DYM: variants seen among roughly 807,000 people sequenced by gnomAD.
DYM encodes dymeclin.
A neutral mutation model predicts 93.1 loss-of-function variants in DYM; 78 were observed. That is an observed-to-expected ratio of 0.84 (90% CI 0.70 to 1.01). DYM has a LOEUF of 1.01. Ranked by LOEUF, DYM falls within the 50% of genes least tolerant of loss-of-function variation. DYM has a pLI of 0.00. For synonymous variants in DYM, 321 were observed against 319.7 expected, an observed-to-expected ratio of 1.00 and a Z score of -0.04; for missense variants, 789 against 845.0, an observed-to-expected ratio of 0.93 and a Z score of 0.82.
intron 6 of DYM, among the ~76,000 whole-genome samples, chr18:49,338,402 T>C (rs2063829316): frequency 6.6e-6 from 1 of 152,206 alleles, no homozygotes; most frequent in Non-Finnish European, 1.5e-5. Flanking sequence ...CTCGACTTTT[T>C]TGAGGAACTG....
chr18:49,401,241 TA>T (rs1167264685), intron 2 of DYM, among the ~76,000 whole-genome samples: 1 of 152,194 alleles, frequency 6.6e-6, no homozygotes, highest in African/African-American at 2.4e-5. Context: ...TCAAAGTAGC[TA>T]AACAAACTAA....
rs904331839 is a variant in DYM at position 49,460,452 on chromosome 18, G to T, written c.-108C>A. On this transcript the variant is annotated 5_prime_UTR_variant, in exon 1 of 18. Transcript: ENST00000675505. ...AGCTCCACGGACCCGCGGACGGATG[G>T]GAGGGTGGCAGAGGGGTCAGGAGAA... 1 of 152,402 alleles carries T rather than the reference G, an allele frequency of 6.6e-6. No homozygotes were observed. The highest frequency in any genetic ancestry group is 1.5e-5 in the Non-Finnish European group (1 of 68,212). The allele number at this position is 152,402 out of a possible 1,614,324, so 9.4% of individuals were successfully genotyped here.
chr18:49,127,718 T>C (rs9965807), intron 15 of DYM, among the ~76,000 whole-genome samples: 3,855 of 152,328 alleles, frequency 0.025, 155 homozygotes, highest in African/African-American at 0.086. Context: ...AATTCACTGG[T>C]GCACACACTG....
chr18:49,365,185 T>G (rs988718240), intron 5 of DYM, among the ~76,000 whole-genome samples: 2 of 152,200 alleles, frequency 1.3e-5, no homozygotes, highest in African/African-American at 4.8e-5. Context: ...CAATTTCTTT[T>G]CTAGGCTACA....
At chr18:49,332,079 T>C in intron 7 of DYM, 73 bp from the exon 8 acceptor site, 1 of 1,457,252 alleles carries the variant, frequency 6.9e-7, no homozygotes, top group South Asian at 1.2e-5. Context: ...AATACAGAAA[T>C]AATTCTGCCA....
chr18:49,308,957 T>C (rs1299793751), intron 8 of DYM, among the ~76,000 whole-genome samples: 3 of 152,284 alleles, frequency 2.0e-5, no homozygotes, highest in South Asian at 2.1e-4. Flanking sequence ...TAGATCCATA[T>C]AATACACCAT....
At position 49,331,927 on chromosome 18, in the gene DYM, G is replaced by A; in HGVS notation, c.700C>T (p.His234Tyr). The change falls in exon 8 of 18, where the codon CAT becomes TAT. Residue 234 changes from histidine (H) to tyrosine (Y), a missense_variant. His to Tyr is a moderately conservative substitution (Grantham distance 83). Transcript: ENST00000675505. ...CCATCCGACTGCTGAGGGAAAACATGGGCCCCTGGAGGAGGTGGCTTTTCT... is the reference window on the plus strand; with the variant it reads ...CCATCCGACTGCTGAGGGAAAACATAGGCCCCTGGAGGAGGTGGCTTTTCT... ...RQEKPPPPGA[H>Y]VFPQQSDGGG... 1 of 1,614,030 alleles carries A rather than the reference G, an allele frequency of 6.2e-7. No individual in the cohort carries two copies. Among genetic ancestry groups the A allele is most frequent in the South Asian group, 1.1e-5 (1 of 91,066 alleles).
At chr18:49,259,415 G>C (rs969313477) in intron 11 of DYM, among the ~76,000 whole-genome samples, 2 of 152,184 alleles carry the variant, frequency 1.3e-5, no homozygotes, top group Admixed American at 6.5e-5. Context: ...TACATAATCA[G>C]CTAAAGACAA....
chr18:49,368,305 G>A (rs1345384400), intron 5 of DYM, among the ~76,000 whole-genome samples: 1 of 152,194 alleles, frequency 6.6e-6, no homozygotes, highest in East Asian at 1.9e-4. Context: ...GAAAGGGAGA[G>A]AAGAGACAGA....
Position 49,146,267 on chromosome 18 carries a change from C to T in DYM, c.1728+17418G>A, listed in dbSNP as rs540153081. Among the ~76,000 whole-genome samples, 3 of 152,318 alleles carry T rather than the reference C, an allele frequency of 2.0e-5. No individual in the cohort carries two copies. The East Asian group carries it at 5.8e-4, about 29-fold the overall frequency. On this transcript the variant is annotated intron_variant, in intron 15 of 17. Coordinates refer to ENST00000675505, the MANE Select transcript of DYM (RefSeq NM_001353214.3). ...TGAATGGGCAAAAACTGGAAGCATT[C>T]CCTTTGAAAACTGCCACAAGACAGG...
chr18:49,212,183 C>G (rs1401391647), intron 13 of DYM, among the ~76,000 whole-genome samples: 1 of 151,920 alleles, frequency 6.6e-6, no homozygotes, highest in African/African-American at 2.4e-5. Flanking sequence ...AGGGACCATT[C>G]CAGATTAAAA....
chr18:49,399,934 C>CTTTTTTTTTTTTTTTTT (rs1201370040), intron 2 of DYM, among the ~76,000 whole-genome samples: 321 of 66,102 alleles, frequency 4.9e-3, no homozygotes, highest in Non-Finnish European at 5.7e-3. Flanking sequence ...TTTTATTTTT[C>CTTTTTTTTTTTTTTTTT]TTTTTTTTTT....
At chr18:49,245,394 G>A (rs2094141116) in intron 13 of DYM, among the ~76,000 whole-genome samples, 1 of 152,180 alleles carries the variant, frequency 6.6e-6, no homozygotes, top group Admixed American at 6.5e-5. Context: ...AAAGCGAGTA[G>A]GAGAAATATT....
chr18:49,226,043 A>G (rs1045737867), intron 13 of DYM, among the ~76,000 whole-genome samples: 3 of 152,140 alleles, frequency 2.0e-5, no homozygotes, highest in African/African-American at 7.2e-5. Context: ...ATCACAGTTT[A>G]CAGAATCTCA....
intron 15 of DYM, among the ~76,000 whole-genome samples, chr18:49,130,408 C>T (rs932155668): frequency 6.6e-5 from 10 of 152,150 alleles, no homozygotes; most frequent in African/African-American, 1.7e-4. Flanking sequence ...CTTTTAACCT[C>T]GGATTCGAAT....
At chr18:49,352,065 T>G (rs1187825374) in intron 6 of DYM, among the ~76,000 whole-genome samples, 3 of 152,306 alleles carry the variant, frequency 2.0e-5, no homozygotes, top group African/African-American at 7.2e-5. Flanking sequence ...TACTGATCCA[T>G]GCTATAACTA....
chr18:49,110,750 T>G (rs1050897352), intron 16 of DYM, among the ~76,000 whole-genome samples: 10 of 152,214 alleles, frequency 6.6e-5, no homozygotes, highest in Non-Finnish European at 1.2e-4. Context: ...TCAGTATTTT[T>G]GGAAAATTCT....
Position 49,145,108 on chromosome 18 carries a change from CATATATATATAT to C in DYM, c.1728+18565_1728+18576del, listed in dbSNP as rs56212722. 1.4e-3 allele frequency among the ~76,000 whole-genome samples: 26 copies of C among 18,754 alleles called. 1 individual carries two copies. The highest frequency in any genetic ancestry group is 2.5e-3 in the African/African-American group (21 of 8,452). The allele number at this position is 18,754 out of a possible 152,430, so 12.3% of individuals were successfully genotyped here. A position where few individuals can be genotyped will look rare whatever the true frequency, so the allele number is the denominator to read the frequency against. ...TGCAAGATCCCGTCTCAAAAAAATTCATATATATATATATATATATATATATAATTTATATAT... is the reference window on the plus strand; with the variant it reads ...TGCAAGATCCCGTCTCAAAAAAATTCATATATATATATATAATTTATATAT... On this transcript the variant is annotated intron_variant, in intron 15 of 17. Coordinates refer to ENST00000675505, the MANE Select transcript of DYM (RefSeq NM_001353214.3).
At chr18:49,426,089 A>T (rs1245491952) in intron 2 of DYM, among the ~76,000 whole-genome samples, 1 of 152,182 alleles carries the variant, frequency 6.6e-6, no homozygotes, top group African/African-American at 2.4e-5. Context: ...ATCAAGACAC[A>T]TGCACACATA....
Sources: allele counts gnomAD v4.1 joint callset (sites outside exome capture counted in the v4.1 genomes callset), GRCh38; gene constraint gnomAD v4.1.1; transcripts MANE v1.5; gene names NCBI Gene and HGNC (gene_info 2026-07-23, HGNC 2026-07-21).